LINGO2: variants seen among roughly 807,000 people sequenced by gnomAD.
The protein encoded by LINGO2 is leucine-rich repeat and immunoglobulin-like domain-containing nogo receptor-interacting protein 2.
LINGO2 carries 14 observed loss-of-function variants against 30.6 expected under a neutral mutation model. The ratio of observed to expected loss-of-function variants is 0.46; its 90% CI spans 0.30 to 0.72. The LOEUF (loss-of-function observed/expected upper bound fraction) is 0.72. Among genes scored for constraint, LINGO2 ranks in the 30% least tolerant of loss-of-function variants. The probability of loss-of-function intolerance (pLI) is 0.07; values close to 1 mark genes in which losing one functional copy is unlikely to be tolerated. For missense variants in LINGO2, 729 were observed against 751.7 expected, an observed-to-expected ratio of 0.97 and a Z score of 0.35; for synonymous variants, 317 against 288.5, an observed-to-expected ratio of 1.10 and a Z score of -1.00.
chr9:29,150,839 A>T, the LINGO2 span, among the ~76,000 whole-genome samples: 2 of 152,192 alleles, frequency 1.3e-5, no homozygotes, highest in Admixed American at 6.5e-5. Context: ...GTAAGAATGT[A>T]GTACACAAAA....
chr9:28,219,158 C>T (rs1049200743), intron 4 of LINGO2, among the ~76,000 whole-genome samples: 1 of 152,222 alleles, frequency 6.6e-6, no homozygotes, highest in South Asian at 2.1e-4. Context: ...TAACTATTGC[C>T]TGACAATTCT....
the LINGO2 span, among the ~76,000 whole-genome samples, chr9:28,884,971 A>AT: frequency 0.42 from 6,200 of 14,760 alleles, 1,356 homozygotes; most frequent in Non-Finnish European, 0.53. Context: ...TTATATATAT[A>AT]ATATATATAA....
At chr9:28,941,143 G>A in the LINGO2 span, among the ~76,000 whole-genome samples, 2 of 152,044 alleles carry the variant, frequency 1.3e-5, no homozygotes, top group Non-Finnish European at 2.9e-5. Flanking sequence ...GCAATAAATG[G>A]TAAAATTCTC....
the LINGO2 span, among the ~76,000 whole-genome samples, chr9:29,212,642 C>A: frequency 6.6e-6 from 1 of 152,174 alleles, no homozygotes; most frequent in Non-Finnish European, 1.5e-5. Context: ...AAACCCAAAA[C>A]CCAAATCCAC....
the LINGO2 span, among the ~76,000 whole-genome samples, chr9:28,776,820 A>T: frequency 6.6e-6 from 1 of 151,138 alleles, no homozygotes; most frequent in African/African-American, 2.4e-5. Context: ...CCCCAGTCAC[A>T]CAGCTGCCTC....
At chr9:29,203,686 T>C in the LINGO2 span, among the ~76,000 whole-genome samples, 371 of 152,306 alleles carry the variant, frequency 2.4e-3, 2 homozygotes, top group African/African-American at 8.3e-3. Context: ...AAAAATTCCA[T>C]TGGACATCTA....
At chr9:28,322,130 T>C (rs909189262) in intron 3 of LINGO2, among the ~76,000 whole-genome samples, 8 of 152,168 alleles carry the variant, frequency 5.3e-5, no homozygotes, top group Admixed American at 1.3e-4. Context: ...ATGGGTTTTT[T>C]TCATCTTTAG....
the LINGO2 span, among the ~76,000 whole-genome samples, chr9:29,043,929 C>T: frequency 6.6e-6 from 1 of 152,026 alleles, no homozygotes; most frequent in South Asian, 2.1e-4. Context: ...TTCAAGAAAC[C>T]TGAGTTCTTT....
the LINGO2 span, among the ~76,000 whole-genome samples, chr9:28,784,443 G>A: frequency 6.6e-6 from 1 of 152,300 alleles, no homozygotes; most frequent in Admixed American, 6.5e-5. Flanking sequence ...CCCTGTATTA[G>A]TAATTTAAAC....
the LINGO2 span, among the ~76,000 whole-genome samples, chr9:29,175,793 T>C: frequency 2.0e-5 from 3 of 152,162 alleles, no homozygotes; most frequent in South Asian, 4.2e-4. Flanking sequence ...CCAAAGCCGA[T>C]AATTTTTTTA....
At chr9:28,692,751 T>A in the LINGO2 span, among the ~76,000 whole-genome samples, 284 of 152,206 alleles carry the variant, frequency 1.9e-3, 2 homozygotes, top group Non-Finnish European at 2.2e-3. Context: ...GTGGCACTGG[T>A]GCTAATAATA....
chr9:28,884,386 C>T, the LINGO2 span, among the ~76,000 whole-genome samples: 447 of 152,046 alleles, frequency 2.9e-3, 3 homozygotes, highest in African/African-American at 0.01. Context: ...CTGATCAGCA[C>T]GAAATAATCA....
the LINGO2 span, among the ~76,000 whole-genome samples, chr9:29,015,575 T>C: frequency 8.5e-5 from 13 of 152,292 alleles, no homozygotes; most frequent in Non-Finnish European, 1.8e-4. Flanking sequence ...AGGTCAGATT[T>C]GGCTCACAGA....
intron 4 of LINGO2, among the ~76,000 whole-genome samples, chr9:28,050,652 C>T (rs1824629956): frequency 6.6e-6 from 1 of 150,870 alleles, no homozygotes; most frequent in Non-Finnish European, 1.5e-5. Flanking sequence ...CCCTTCATAA[C>T]ACTGTTAAAT....
the LINGO2 span, among the ~76,000 whole-genome samples, chr9:29,168,389 C>T: frequency 6.6e-6 from 1 of 152,134 alleles, no homozygotes; most frequent in Non-Finnish European, 1.5e-5. Context: ...AGTAGCAACG[C>T]CCTGGCCAGG....
chr9:28,358,596 A>G (rs1226930043), intron 3 of LINGO2, among the ~76,000 whole-genome samples: 5 of 152,158 alleles, frequency 3.3e-5, no homozygotes, highest in South Asian at 2.1e-4. Flanking sequence ...AGTTGAGCCC[A>G]TGACCTCTGG....
At chr9:28,013,650 CTCT>C (rs979415697) in intron 4 of LINGO2, among the ~76,000 whole-genome samples, 16 of 152,148 alleles carry the variant, frequency 1.1e-4, no homozygotes, top group African/African-American at 3.9e-4. Context: ...TCTACAATGG[CTCT>C]TCATTTTGAA....
the LINGO2 span, among the ~76,000 whole-genome samples, chr9:28,821,217 G>C: frequency 6.6e-6 from 1 of 152,224 alleles, no homozygotes; most frequent in Non-Finnish European, 1.5e-5. Context: ...ATCTTGGAGG[G>C]TCCTCCGGTT....
rs563827692 is a variant in LINGO2 at position 28,354,588 on chromosome 9, T to A, written c.-246+18248A>T. Among the ~76,000 whole-genome samples the A allele has an allele frequency of 2.0e-4, 31 of 152,290 alleles. No individual in the cohort carries two copies. In the South Asian group the frequency reaches 6.4e-3, roughly 32 times the overall value. ...CATGCTCAAGAAACATGGGGTGAAA[T>A]AAGTTTTTTAAACAATATTGTCAAA... is the stretch of plus-strand genomic sequence containing the variant. On this transcript the variant is annotated intron_variant, in intron 3 of 5. Transcript: ENST00000379992.
Sources: allele counts gnomAD v4.1 joint callset (sites outside exome capture counted in the v4.1 genomes callset), GRCh38; gene constraint gnomAD v4.1.1; transcripts MANE v1.5; gene names NCBI Gene and HGNC (gene_info 2026-07-23, HGNC 2026-07-21).